Variants in DIAPH3 observed in about 807,000 individuals in gnomAD.
The protein encoded by DIAPH3 is diaphanous related formin 3, also known as protein diaphanous homolog 3.
In DIAPH3, 117 loss-of-function variants were observed where a neutral mutation model predicts 144.3. The observed-to-expected ratio is 0.81, with a 90% CI of 0.70 to 0.95. The LOEUF is 0.95. DIAPH3 is among the 40% of genes least tolerant of loss of function. The pLI, the probability that DIAPH3 is intolerant of heterozygous loss-of-function variation, is 0.00. For synonymous variants in DIAPH3, 519 were observed against 488.9 expected, an observed-to-expected ratio of 1.06 and a Z score of -0.81; for missense variants, 1,421 against 1,412.7, an observed-to-expected ratio of 1.01 and a Z score of -0.09.
At chr13:59,707,416 A>G (rs2138800168) in intron 27 of DIAPH3, among the ~76,000 whole-genome samples, 1 of 152,310 alleles carries the variant, frequency 6.6e-6, no homozygotes, top group Middle Eastern at 3.4e-3. Context: ...CAGAAATAAA[A>G]TGGACTTTCT....
At chr13:59,673,511 GT>G (rs1460030066) in intron 27 of DIAPH3, among the ~76,000 whole-genome samples, 1 of 152,164 alleles carries the variant, frequency 6.6e-6, no homozygotes, top group African/African-American at 2.4e-5. Flanking sequence ...CAGATGAATA[GT>G]TTGAAACCCT....
intron 9 of DIAPH3, among the ~76,000 whole-genome samples, chr13:60,004,314 T>G (rs2052723995): frequency 6.6e-6 from 1 of 152,180 alleles, no homozygotes; most frequent in Non-Finnish European, 1.5e-5. Context: ...ACCTCAAAAT[T>G]TACTTTATTT....
chr13:59,954,109 T>C (rs1242017601), intron 17 of DIAPH3, among the ~76,000 whole-genome samples: 1 of 152,200 alleles, frequency 6.6e-6, no homozygotes, highest in Admixed American at 6.5e-5. Flanking sequence ...CTCCCTCCTG[T>C]TCTCTAATGT....
intron 27 of DIAPH3, among the ~76,000 whole-genome samples, chr13:59,761,567 A>C (rs2037590861): frequency 1.3e-5 from 2 of 152,224 alleles, no homozygotes; most frequent in South Asian, 4.1e-4. Flanking sequence ...TATTATCTAT[A>C]CAACACAAAA....
chr13:59,987,490 G>GAA (rs58336587), intron 12 of DIAPH3, among the ~76,000 whole-genome samples: 1 of 66,296 alleles, frequency 1.5e-5, no homozygotes, highest in Admixed American at 1.6e-4. Flanking sequence ...AAAAAAAAAA[G>GAA]AAAAAAAAAA....
chr13:59,811,905 A>T (rs2040497392), intron 24 of DIAPH3, among the ~76,000 whole-genome samples: 1 of 152,090 alleles, frequency 6.6e-6, no homozygotes, highest in Admixed American at 6.5e-5. Flanking sequence ...AATACCTCTC[A>T]TGTGGCATTA....
At chr13:59,927,231 T>C (rs548681991) in intron 17 of DIAPH3, among the ~76,000 whole-genome samples, 8 of 152,304 alleles carry the variant, frequency 5.3e-5, no homozygotes, top group African/African-American at 1.9e-4. Context: ...AAGTGAGTTA[T>C]TGTAGACAGC....
At chr13:59,683,420 G>T (rs1416444739) in intron 27 of DIAPH3, among the ~76,000 whole-genome samples, 2 of 152,018 alleles carry the variant, frequency 1.3e-5, no homozygotes, top group Non-Finnish European at 2.9e-5. Context: ...GCTGGGGGTG[G>T]GGTGTCATCT....
chr13:59,899,270 C>T (rs879575850), intron 20 of DIAPH3, among the ~76,000 whole-genome samples: 1 of 152,130 alleles, frequency 6.6e-6, no homozygotes, highest in Non-Finnish European at 1.5e-5. Context: ...AATAAACTCC[C>T]TTTCATATAT....
At chr13:60,077,781 A>C (rs1287420023) in intron 4 of DIAPH3, among the ~76,000 whole-genome samples, 1 of 152,104 alleles carries the variant, frequency 6.6e-6, no homozygotes, top group African/African-American at 2.4e-5. Context: ...CATTAAAGAA[A>C]GCACATGATG....
chr13:59,675,851 A>G (rs1320978928), intron 27 of DIAPH3, among the ~76,000 whole-genome samples: 1 of 152,180 alleles, frequency 6.6e-6, no homozygotes, highest in Non-Finnish European at 1.5e-5. Context: ...TGAAATGGAA[A>G]AAGCACTTCC....
At chr13:60,121,786 T>C (rs546894312) in intron 2 of DIAPH3, among the ~76,000 whole-genome samples, 4 of 152,246 alleles carry the variant, frequency 2.6e-5, no homozygotes, top group South Asian at 2.1e-4. Flanking sequence ...ATGATATGAA[T>C]TGATTATGAC....
rs77058444 is a variant in DIAPH3 at position 59,990,750 on chromosome 13, G to A, written c.1361+408C>T. 1.1e-3 allele frequency among the ~76,000 whole-genome samples: 174 copies of A among 151,938 alleles called. 1 individual carries two copies. The East Asian group carries it at 0.018, about 16-fold the overall frequency. ...TTTTGATATATTAGCAACATTAAAC[G>A]CAACTGTATTATTAAGACTTGCCAG... On this transcript the variant is annotated intron_variant, in intron 12 of 27. Transcript: ENST00000400324.
At chr13:60,148,352 T>C (rs1951630603) in intron 1 of DIAPH3, among the ~76,000 whole-genome samples, 1 of 152,232 alleles carries the variant, frequency 6.6e-6, no homozygotes, top group Admixed American at 6.5e-5. Flanking sequence ...TAGCCACATA[T>C]GGCTATTTAA....
chr13:59,850,133 G>A (rs545965450), intron 22 of DIAPH3, among the ~76,000 whole-genome samples: 1 of 151,938 alleles, frequency 6.6e-6, no homozygotes, highest in Non-Finnish European at 1.5e-5. Context: ...TGTTGTTGGT[G>A]TATAAGAATG....
chr13:60,097,358 T>C (rs2058136044), intron 3 of DIAPH3, among the ~76,000 whole-genome samples: 2 of 152,100 alleles, frequency 1.3e-5, no homozygotes, highest in South Asian at 4.1e-4. Flanking sequence ...TCTTGCCCTA[T>C]TAATTCCCAT....
chr13:59,994,646 G>A (rs955201634), intron 9 of DIAPH3, among the ~76,000 whole-genome samples: 4 of 151,794 alleles, frequency 2.6e-5, no homozygotes, highest in Non-Finnish European at 5.9e-5. Context: ...ACTAACTAAA[G>A]GATTAATAAA....
At chr13:60,033,319 C>A (rs1466413528) in intron 5 of DIAPH3, among the ~76,000 whole-genome samples, 1 of 152,172 alleles carries the variant, frequency 6.6e-6, no homozygotes, top group Admixed American at 6.6e-5. Context: ...ATTTTTACAG[C>A]AAATGCCCCA....
At chr13:59,740,829 G>A (rs1466601918) in intron 27 of DIAPH3, among the ~76,000 whole-genome samples, 2 of 152,114 alleles carry the variant, frequency 1.3e-5, no homozygotes, top group Non-Finnish European at 2.9e-5. Flanking sequence ...ATAGAGGTCA[G>A]GAAATGAGGA....
Sources: gnomAD v4.1 joint callset for allele counts (sites outside exome capture counted in the v4.1 genomes callset) on GRCh38, gnomAD v4.1.1 for gene constraint, MANE v1.5 for transcripts, NCBI Gene and HGNC (gene_info 2026-07-23, HGNC 2026-07-21) for gene names.